ARHGAP8: variants seen among roughly 807,000 people sequenced by gnomAD.
The protein encoded by ARHGAP8 is rho GTPase-activating protein 8.
ARHGAP8 carries 62 observed loss-of-function variants against 46.1 expected under a neutral mutation model. The observed-to-expected ratio is 1.34, with a 90% CI of 1.10 to 1.66. ARHGAP8 has a LOEUF of 1.66. Ranked by LOEUF, ARHGAP8 falls within the 40% of genes most tolerant of loss-of-function variation. The pLI is 0.00. For synonymous variants in ARHGAP8, 375 were observed against 243.1 expected (o/e 1.54, Z -5.05); for missense variants, 923 against 568.4 (o/e 1.62, Z -6.34).
chr22:44,862,544 C>A lies in ARHGAP8; in HGVS notation c.1251C>A (p.Thr417=). Residue 417 remains threonine (T), a synonymous_variant, in exon 12 of 12, where the codon ACC becomes ACA. Coordinates refer to ENST00000356099, the MANE Select transcript of ARHGAP8 (RefSeq NM_181335.3). ...CACGGACACAAGCCACGGGCCTCACCAAGCCTACCCTACCTCCGAGTCCCC... is the reference window on the plus strand; with the variant it reads ...CACGGACACAAGCCACGGGCCTCACAAAGCCTACCCTACCTCCGAGTCCCC... ...AVPRTQATGL[T]KPTLPPSPLM... The A allele has an allele frequency of 6.2e-7, 1 of 1,604,138 alleles. No homozygotes were observed. The highest frequency in any genetic ancestry group is 1.3e-5 in the African/African-American group (1 of 74,872).
At position 44,849,056 on chromosome 22, in the gene ARHGAP8, C is replaced by T. The variant is rs2070032018; in HGVS notation, c.873C>T (p.Ile291=). 6.2e-7 allele frequency: 1 copy of T among 1,613,844 alleles called. No individual in the cohort carries two copies. The highest frequency in any genetic ancestry group is 8.5e-7 in the Non-Finnish European group (1 of 1,179,946). ...AGGCCTACGAGCAGATTCTCGGGAT[C>T]ACCTGTGCGTAGCTGCCCTGGCGCA... ...TFQAYEQILG[I]TCVESSLRVT... The change falls in exon 10 of 12, where the codon ATC becomes ATT. Residue 291 remains isoleucine (I), a synonymous_variant. Coordinates refer to ENST00000356099, the MANE Select transcript of ARHGAP8 (RefSeq NM_181335.3).
chr22:44,788,097 G>GTTA (rs901492875), intron 2 of ARHGAP8, among the ~76,000 whole-genome samples: 54 of 49,512 alleles, frequency 1.1e-3, no homozygotes, highest in East Asian at 5.9e-3. Context: ...TTTATTATAT[G>GTTA]TTATTATTAT....
chr22:44,820,387 C>T (rs2147113163), intron 5 of ARHGAP8, among the ~76,000 whole-genome samples: 1 of 152,322 alleles, frequency 6.6e-6, no homozygotes, highest in East Asian at 1.9e-4. Context: ...AGAATGGTTC[C>T]TGCAGAGGGG....
At chr22:44,824,041 T>TG (rs1372212226) in intron 6 of ARHGAP8, among the ~76,000 whole-genome samples, 3 of 152,094 alleles carry the variant, frequency 2.0e-5, no homozygotes, top group African/African-American at 4.8e-5. Flanking sequence ...GCTTCTAGAC[T>TG]GGGGGTGGGG....
At chr22:44,828,790 G>A (rs984996058) in intron 7 of ARHGAP8, among the ~76,000 whole-genome samples, 2 of 151,908 alleles carry the variant, frequency 1.3e-5, no homozygotes, top group African/African-American at 2.4e-5. Flanking sequence ...TTTTCCCCAC[G>A]TTCCTGAAGC....
chr22:44,802,218 C>T, intron 3 of ARHGAP8, 54 bp downstream of exon 3: 1 of 1,600,448 alleles, frequency 6.2e-7, no homozygotes, highest in Non-Finnish European at 8.5e-7. Context: ...TTGCTTGTCC[C>T]CATCCCTTCA....
intron 1 of ARHGAP8, among the ~76,000 whole-genome samples, chr22:44,773,457 TA>T (rs1382455800): frequency 2.0e-5 from 3 of 152,212 alleles, no homozygotes; most frequent in African/African-American, 7.2e-5. Context: ...AGACCCTAAA[TA>T]GCTTGGTTTT....
chr22:44,828,865 A>AGGTTG (rs1213623612), intron 7 of ARHGAP8, among the ~76,000 whole-genome samples: 1 of 152,144 alleles, frequency 6.6e-6, no homozygotes, highest in East Asian at 1.9e-4. Context: ...GCTGTGGCAC[A>AGGTTG]CAGGGTCCCA....
intron 4 of ARHGAP8, 83 bp downstream of exon 4, chr22:44,808,521 G>A (rs1929095972): frequency 2.6e-6 from 4 of 1,559,356 alleles, no homozygotes; most frequent in African/African-American, 1.4e-5. Flanking sequence ...GGGTCGCAGA[G>A]TGTGCAGTGG....
chr22:44,844,844 T>C (rs541631209), intron 7 of ARHGAP8, among the ~76,000 whole-genome samples: 66 of 152,310 alleles, frequency 4.3e-4, no homozygotes, highest in African/African-American at 1.5e-3. Context: ...AGTTTTTTAA[T>C]TGAATCAATA....
chr22:44,830,728 G>A (rs1325539985), intron 7 of ARHGAP8, among the ~76,000 whole-genome samples: 4 of 151,740 alleles, frequency 2.6e-5, no homozygotes, highest in South Asian at 2.1e-4. Context: ...TAATAGAGAC[G>A]AGGTTTCACC....
intron 4 of ARHGAP8, chr22:44,809,063 C>G (rs1485597075): frequency 2.1e-6 from 1 of 467,148 alleles, no homozygotes; most frequent in African/African-American, 2.0e-5. Flanking sequence ...TCAAGCGATC[C>G]TCCCACCTCA....
At chr22:44,855,455 A>G (rs2070197132) in intron 10 of ARHGAP8, among the ~76,000 whole-genome samples, 2 of 152,314 alleles carry the variant, frequency 1.3e-5, no homozygotes, top group Admixed American at 6.5e-5. Flanking sequence ...ATGAGCCACT[A>G]TGCCTGGCCA....
intron 10 of ARHGAP8, among the ~76,000 whole-genome samples, chr22:44,856,944 CTTT>C (rs541676137): frequency 7.5e-6 from 1 of 133,514 alleles, no homozygotes; most frequent in African/African-American, 3.1e-5. Context: ...AGTAAGAATT[CTTT>C]TTTTTTTTTT....
intron 5 of ARHGAP8, among the ~76,000 whole-genome samples, chr22:44,820,892 T>G (rs547460931): frequency 5.3e-5 from 8 of 151,840 alleles, no homozygotes; most frequent in African/African-American, 1.9e-4. Context: ...GGGCTGAGCT[T>G]TGGGCTGAGC....
intron 2 of ARHGAP8, among the ~76,000 whole-genome samples, chr22:44,799,156 TGCTGGGCCTGGAA>T: frequency 6.6e-6 from 1 of 152,360 alleles, no homozygotes; most frequent in South Asian, 2.1e-4. Flanking sequence ...CCCGCCCCTG[TGCTGGGCCTGGAA>T]CCTTGGCCAA....
At chr22:44,861,145 T>TA (rs1372356771) in intron 11 of ARHGAP8, among the ~76,000 whole-genome samples, 6 of 152,084 alleles carry the variant, frequency 3.9e-5, no homozygotes, top group African/African-American at 1.4e-4. Flanking sequence ...CTAATTTTTG[T>TA]TTTTTTAGTA....
chr22:44,853,050 C>T (rs2070136048), intron 10 of ARHGAP8, among the ~76,000 whole-genome samples: 1 of 152,222 alleles, frequency 6.6e-6, no homozygotes, highest in South Asian at 2.1e-4. Flanking sequence ...GATCCGCCCA[C>T]CTCAGCCTCC....
intron 11 of ARHGAP8, among the ~76,000 whole-genome samples, chr22:44,860,384 C>T (rs889249525): frequency 1.3e-5 from 2 of 152,154 alleles, no homozygotes; most frequent in African/African-American, 2.4e-5. Context: ...CTGGCCTCTC[C>T]CAGCTCCTGG....
Sources: allele counts gnomAD v4.1 joint callset (sites outside exome capture counted in the v4.1 genomes callset), GRCh38; gene constraint gnomAD v4.1.1; transcripts MANE v1.5; gene names NCBI Gene and HGNC (gene_info 2026-07-23, HGNC 2026-07-21).